Variants in TTC23 observed in about 807,000 individuals in gnomAD.
TTC23 encodes the protein tetratricopeptide repeat protein 23.
In TTC23, 58 loss-of-function variants were observed where a neutral mutation model predicts 55.1. The ratio of observed to expected loss-of-function variants is 1.05; its 90% CI spans 0.85 to 1.31. The LOEUF is 1.31. TTC23 is among the 50% of genes most tolerant of loss of function. TTC23 has a pLI of 0.00. For missense variants in TTC23, 516 were observed against 534.4 expected, an observed-to-expected ratio of 0.97 and a Z score of 0.34; for synonymous variants, 203 against 199.9, an observed-to-expected ratio of 1.02 and a Z score of -0.13.
intron 12 of TTC23, chr15:99,148,596 G>C (rs1243398427): frequency 6.6e-6 from 1 of 152,052 alleles, no homozygotes; most frequent in East Asian, 1.9e-4. Context: ...CTAATACGGA[G>C]GCCAGATGAT....
At chr15:99,212,530 G>A (rs1294579277) in intron 8 of TTC23, among the ~76,000 whole-genome samples, 1 of 152,144 alleles carries the variant, frequency 6.6e-6, no homozygotes, top group East Asian at 1.9e-4. Flanking sequence ...CGGAACAGAG[G>A]AGAGGAAGAA....
intron 12 of TTC23, chr15:99,148,694 T>G (rs1490490857): frequency 6.6e-6 from 1 of 152,210 alleles, no homozygotes; most frequent in African/African-American, 2.4e-5. Context: ...CAGGAATTCT[T>G]TCTGCAGCCT....
intron 10 of TTC23, among the ~76,000 whole-genome samples, chr15:99,165,254 T>A (rs1360149623): frequency 1.3e-5 from 2 of 152,020 alleles, no homozygotes; most frequent in African/African-American, 4.8e-5. Context: ...CACAGAGCAA[T>A]CAAAAGACAC....
intron 12 of TTC23, among the ~76,000 whole-genome samples, chr15:99,154,129 G>A (rs2070218669): frequency 6.6e-6 from 1 of 152,234 alleles, no homozygotes; most frequent in Non-Finnish European, 1.5e-5. Flanking sequence ...TCTAAAGGAT[G>A]TCACAGAAGA....
rs147976277 is a variant in TTC23 at position 99,165,053 on chromosome 15, T to A, written c.866-3186A>T. On this transcript the variant is annotated intron_variant, in intron 10 of 13. Coordinates refer to ENST00000394132, the MANE Select transcript of TTC23 (RefSeq NM_001288615.3). ...AAACAGATTAATGCATATGAATAAA[T>A]GATAACAGGACTGACATACAGTTGG... Among the ~76,000 whole-genome samples, 589 of 152,304 alleles carry A rather than the reference T, an allele frequency of 3.9e-3. 4 individuals carry two copies. The highest frequency in any genetic ancestry group is 0.013 in the African/African-American group (558 of 41,562).
At chr15:99,236,393 C>T (rs766738622) in intron 3 of TTC23, among the ~76,000 whole-genome samples, 1 of 151,874 alleles carries the variant, frequency 6.6e-6, no homozygotes, top group South Asian at 2.1e-4. Flanking sequence ...CAGAGATCCT[C>T]AACATCTTCT....
intron 12 of TTC23, among the ~76,000 whole-genome samples, chr15:99,142,716 G>A (rs1314293423): frequency 2.0e-5 from 3 of 152,156 alleles, no homozygotes; most frequent in African/African-American, 7.2e-5. Context: ...ACGAATCCCC[G>A]GGAAGAATGA....
At chr15:99,146,139 T>C (rs1366921066) in intron 12 of TTC23, among the ~76,000 whole-genome samples, 1 of 152,216 alleles carries the variant, frequency 6.6e-6, no homozygotes, top group African/African-American at 2.4e-5. Flanking sequence ...CCACAACGAC[T>C]GCAATACAAA....
rs1338306245 is a variant in TTC23, at chr15:99,218,960, A to G, written c.393T>C (p.Asp131=). Residue 131 remains aspartate (D), a synonymous_variant, in exon 7 of 14, where the codon GAT becomes GAC. Coordinates refer to ENST00000394132, the MANE Select transcript of TTC23 (RefSeq NM_001288615.3). The part of the protein sequence containing the change: ...SIVPPYSENT[D]VFKFSIELFH... ...AAAGCTCAATGGAAAACTTGAAAAC[A>G]TCTGTATTCTCACTATAGGGAGGCA... 4 of 1,614,108 alleles carry G rather than the reference A, an allele frequency of 2.5e-6. No homozygotes were observed. The highest frequency in any genetic ancestry group is 3.4e-6 in the Non-Finnish European group (4 of 1,180,048).
chr15:99,184,834 C>A (rs566259659), intron 9 of TTC23, among the ~76,000 whole-genome samples: 5 of 152,254 alleles, frequency 3.3e-5, no homozygotes, highest in Admixed American at 2.6e-4. Flanking sequence ...GGCTTTGTGT[C>A]CCCACCCAAA....
At chr15:99,216,824 TGTACTCA>T (rs1293101874) in intron 8 of TTC23, among the ~76,000 whole-genome samples, 1 of 152,194 alleles carries the variant, frequency 6.6e-6, no homozygotes, top group Non-Finnish European at 1.5e-5. Context: ...AAAGTCTGTT[TGTACTCA>T]GTACCACCCC....
chr15:99,145,041 A>C (rs2068670589), intron 12 of TTC23: 1 of 152,266 alleles, frequency 6.6e-6, no homozygotes, highest in Non-Finnish European at 1.5e-5. Context: ...CAAGGCAGGC[A>C]GAAATGACTA....
chr15:99,174,759 T>C (rs558064235), intron 10 of TTC23, among the ~76,000 whole-genome samples: 1 of 138,036 alleles, frequency 7.2e-6, no homozygotes, highest in African/African-American at 2.7e-5. Flanking sequence ...CAGAGCAGAT[T>C]TACCGTAAGC....
At chr15:99,233,821 C>G (rs1415469512) in intron 4 of TTC23, among the ~76,000 whole-genome samples, 1 of 152,158 alleles carries the variant, frequency 6.6e-6, no homozygotes, top group East Asian at 1.9e-4. Flanking sequence ...GCAGTTTGTA[C>G]TGCTGTTAAG....
intron 12 of TTC23, among the ~76,000 whole-genome samples, chr15:99,147,295 A>T (rs184428259): frequency 1.6e-5 from 2 of 127,924 alleles, no homozygotes; most frequent in East Asian, 4.7e-4. Context: ...GCGCGATCTC[A>T]GCTCACTGCA....
At chr15:99,164,724 G>A (rs1376724236) in intron 10 of TTC23, among the ~76,000 whole-genome samples, 2 of 152,188 alleles carry the variant, frequency 1.3e-5, no homozygotes, top group Non-Finnish European at 2.9e-5. Context: ...CTTTTCCAAT[G>A]AATTGATTTG....
At chr15:99,145,716 C>A (rs1188511574) in intron 12 of TTC23, among the ~76,000 whole-genome samples, 1 of 152,160 alleles carries the variant, frequency 6.6e-6, no homozygotes, top group Non-Finnish European at 1.5e-5. Flanking sequence ...CTCTGTCTGT[C>A]CCTCTCACCC....
intron 5 of TTC23, among the ~76,000 whole-genome samples, chr15:99,226,743 G>A (rs539905771): frequency 6.6e-5 from 10 of 152,182 alleles, no homozygotes; most frequent in African/African-American, 9.6e-5. Context: ...CTCCACACTG[G>A]CTCTTCTCTT....
chr15:99,167,438 T>G (rs900858428), intron 10 of TTC23, among the ~76,000 whole-genome samples: 2 of 152,234 alleles, frequency 1.3e-5, no homozygotes, highest in Non-Finnish European at 2.9e-5. Context: ...GGCACAGGTG[T>G]TCCAAGGCCA....
Sources: allele counts gnomAD v4.1 joint callset (sites outside exome capture counted in the v4.1 genomes callset), GRCh38; gene constraint gnomAD v4.1.1; transcripts MANE v1.5; gene names NCBI Gene and HGNC (gene_info 2026-07-23, HGNC 2026-07-21).